Variants in KLRF1 observed in about 807,000 individuals in gnomAD.
The protein encoded by KLRF1 is killer cell lectin like receptor F1, also known as killer cell lectin-like receptor subfamily F member 1.
Under a neutral mutation model 30.7 loss-of-function variants are expected in KLRF1, and 27 were observed. The observed-to-expected ratio is 0.88, with a 90% CI of 0.65 to 1.21. The LOEUF is 1.21. Among genes scored for constraint, KLRF1 ranks in the 50% most tolerant of loss-of-function variants. The probability of loss-of-function intolerance (pLI) is 0.00; values close to 1 mark genes in which losing one functional copy is unlikely to be tolerated. For missense variants in KLRF1, 246 were observed against 259.3 expected, an observed-to-expected ratio of 0.95 and a Z score of 0.35; for synonymous variants, 92 against 89.3, an observed-to-expected ratio of 1.03 and a Z score of -0.17.
Position 9,844,578 on chromosome 12 carries a change from T to C in KLRF1, c.*52T>C, listed in dbSNP as rs1867772504. 2.0e-6 allele frequency: 2 copies of C among 1,002,358 alleles called. No homozygotes were observed. The highest frequency in any genetic ancestry group is 2.5e-5 in the East Asian group (1 of 39,874). The allele number at this position is 1,002,358 out of a possible 1,614,324, so 62.1% of individuals were successfully genotyped here. ...ATCAATGATCACTATTTTTGGCCTA[T>C]TAGTTTCTAATATTAATCTCCAGGT... On this transcript the variant is annotated 3_prime_UTR_variant, in exon 6 of 6. Transcript: ENST00000617889.
chr12:9,840,882 A>T (rs1867685663), intron 3 of KLRF1, among the ~76,000 whole-genome samples: 1 of 152,060 alleles, frequency 6.6e-6, no homozygotes, highest in Non-Finnish European at 1.5e-5. Context: ...GTTATGGGAG[A>T]CTGTGTGGCA....
the KLRF1 span, among the ~76,000 whole-genome samples, chr12:9,818,301 T>C: frequency 6.6e-6 from 1 of 152,214 alleles, no homozygotes; most frequent in Admixed American, 6.5e-5. Flanking sequence ...GCACAGCTCT[T>C]CTTTGTACCT....
chr12:9,822,607 T>C (rs185519273), upstream of KLRF1, among the ~76,000 whole-genome samples: 299 of 152,228 alleles, frequency 2.0e-3, 3 homozygotes, highest in Non-Finnish European at 2.4e-3. Flanking sequence ...CAGGATCAAA[T>C]CCACACATAT....
intron 5 of KLRF1, among the ~76,000 whole-genome samples, chr12:9,842,671 T>C (rs1322271428): frequency 1.3e-5 from 2 of 152,142 alleles, no homozygotes; most frequent in African/African-American, 2.4e-5. Flanking sequence ...GAAAAGTAGA[T>C]TGAATGAATG....
the KLRF1 span, among the ~76,000 whole-genome samples, chr12:9,807,095 A>C: frequency 6.6e-6 from 1 of 151,998 alleles, no homozygotes; most frequent in South Asian, 2.1e-4. Context: ...TTTCCTTTTA[A>C]TGTTTACTGT....
intron 3 of KLRF1, among the ~76,000 whole-genome samples, chr12:9,839,223 G>A (rs1867651963): frequency 6.6e-6 from 1 of 152,060 alleles, no homozygotes; most frequent in Non-Finnish European, 1.5e-5. Flanking sequence ...GCTTCTCATT[G>A]TAATCTCTCA....
At position 9,833,257 on chromosome 12, in the gene KLRF1, C is replaced by A. The variant is rs373559982; in HGVS notation, c.185-46C>A. The A allele has an allele frequency of 3.4e-5, 46 of 1,338,530 alleles. No homozygotes were observed. The African/African-American group carries it at 5.4e-4, about 16-fold the overall frequency. The allele number at this position is 1,338,530 out of a possible 1,614,324, so 82.9% of individuals were successfully genotyped here. On this transcript the variant is annotated intron_variant, in intron 2 of 5. Coordinates refer to ENST00000617889, the MANE Select transcript of KLRF1 (RefSeq NM_016523.3). Reference sequence around the variant, plus strand: ...CATTGAATGTGTCCCTGAAACATTCCATAGAGAAGATATTTACCTAACCTT... The same window carrying A: ...CATTGAATGTGTCCCTGAAACATTCAATAGAGAAGATATTTACCTAACCTT...
upstream of KLRF1, among the ~76,000 whole-genome samples, chr12:9,824,552 C>T (rs1195035219): frequency 6.6e-6 from 1 of 152,066 alleles, no homozygotes; most frequent in African/African-American, 2.4e-5. Flanking sequence ...CCTTGAAAAG[C>T]ACAAGACACG....
intron 1 of KLRF1, among the ~76,000 whole-genome samples, chr12:9,829,758 CAAAT>C (rs1867369351): frequency 1.3e-5 from 2 of 152,076 alleles, no homozygotes; most frequent in African/African-American, 4.8e-5. Context: ...GACCCTGTCT[CAAAT>C]AAATAAATAA....
intron 2 of KLRF1, among the ~76,000 whole-genome samples, 166 bp from the exon 3 acceptor site, chr12:9,833,137 A>T (rs1867481671): frequency 6.6e-6 from 1 of 152,194 alleles, no homozygotes; most frequent in Non-Finnish European, 1.5e-5. Context: ...TGATTGTATA[A>T]TATTTTGAAT....
the KLRF1 span, among the ~76,000 whole-genome samples, chr12:9,811,842 T>A: frequency 6.6e-6 from 1 of 152,204 alleles, no homozygotes. Context: ...ATTCTGTGAA[T>A]ACTTATGAAT....
chr12:9,800,487 C>CA, the KLRF1 span, among the ~76,000 whole-genome samples: 3 of 151,936 alleles, frequency 2.0e-5, no homozygotes, highest in Admixed American at 1.3e-4. Context: ...TCTGAGTCTC[C>CA]AAAGTCCATT....
rs747510035 is a variant in KLRF1, at chr12:9,833,292, C to G, written c.185-11C>G. On this transcript the variant is annotated splice_polypyrimidine_tract_variant and intron_variant, in intron 2 of 5. Coordinates refer to ENST00000617889, the MANE Select transcript of KLRF1 (RefSeq NM_016523.3). Reference sequence around the variant, plus strand: ...ATATTTACCTAACCTTAAAATAGTCCTGTATTCAAGTTTCTCAGGGAGTAT... The same window carrying G: ...ATATTTACCTAACCTTAAAATAGTCGTGTATTCAAGTTTCTCAGGGAGTAT... The G allele has an allele frequency of 3.8e-6, 6 of 1,573,224 alleles. No homozygotes were observed. In the African/African-American group the frequency reaches 6.9e-5, roughly 18 times the overall value.
upstream of KLRF1, among the ~76,000 whole-genome samples, chr12:9,827,153 A>G (rs1867299288): frequency 6.6e-6 from 1 of 152,200 alleles, no homozygotes; most frequent in Non-Finnish European, 1.5e-5. Context: ...TAGGGAGGCT[A>G]ATTCAAATGA....
intron 3 of KLRF1, 45 bp downstream of exon 3, chr12:9,833,497 C>T (rs751807491): frequency 1.3e-6 from 2 of 1,523,790 alleles, no homozygotes; most frequent in African/African-American, 1.4e-5. Context: ...ATCTTTTGGA[C>T]TCTCTAAATG....
the KLRF1 span, among the ~76,000 whole-genome samples, chr12:9,806,350 T>C: frequency 6.6e-6 from 1 of 152,092 alleles, no homozygotes; most frequent in African/African-American, 2.4e-5. Context: ...AAAAATTCTA[T>C]CTTTTTTGAT....
chr12:9,802,334 T>A, the KLRF1 span, among the ~76,000 whole-genome samples: 1 of 152,044 alleles, frequency 6.6e-6, no homozygotes, highest in East Asian at 1.9e-4. Context: ...GATGGATGTG[T>A]CTCAAAATAA....
At chr12:9,815,998 A>C in the KLRF1 span, among the ~76,000 whole-genome samples, 3 of 152,154 alleles carry the variant, frequency 2.0e-5, no homozygotes, top group Admixed American at 2.0e-4. Context: ...TTGTATTTTT[A>C]GTAGAGATGG....
intron 1 of KLRF1, among the ~76,000 whole-genome samples, chr12:9,830,948 AT>A (rs934190108): frequency 7.9e-5 from 12 of 151,088 alleles, no homozygotes; most frequent in Admixed American, 2.6e-4. Context: ...ATCTTTTAAA[AT>A]TTTTTTTTAC....
Sources: gnomAD v4.1 joint callset for allele counts (sites outside exome capture counted in the v4.1 genomes callset) on GRCh38, gnomAD v4.1.1 for gene constraint, MANE v1.5 for transcripts, NCBI Gene and HGNC (gene_info 2026-07-23, HGNC 2026-07-21) for gene names.